Variants in ADISSP observed in about 807,000 individuals in gnomAD.
ADISSP encodes the protein adipose-secreted signaling protein.
At chr20:3,767,248 A>G in the ADISSP span, 3 of 152,136 alleles carry the variant, frequency 2.0e-5, no homozygotes, top group Admixed American at 6.5e-5. Flanking sequence ...GCACTCCCAG[A>G]CATCACTGCC....
At chr20:3,761,321 C>A in the ADISSP span, among the ~76,000 whole-genome samples, 4 of 150,166 alleles carry the variant, frequency 2.7e-5, no homozygotes, top group Admixed American at 1.3e-4. Context: ...TGACAGAGGA[C>A]CTGGTATGGT....
At chr20:3,754,304 T>A in the ADISSP span, 1 of 1,521,608 alleles carries the variant, frequency 6.6e-7, no homozygotes, top group Admixed American at 1.7e-5. Context: ...CGGGCAAGGA[T>A]CCCTTGTTCA....
the ADISSP span, among the ~76,000 whole-genome samples, chr20:3,762,514 C>T: frequency 6.6e-6 from 1 of 152,096 alleles, no homozygotes; most frequent in East Asian, 1.9e-4. Context: ...GAGACCACAG[C>T]CACGCACCAC....
the ADISSP span, chr20:3,758,730 C>A: frequency 1.3e-6 from 2 of 1,586,114 alleles, no homozygotes; most frequent in Non-Finnish European, 1.7e-6. The surrounding 1 kb of genome is among the most constrained non-coding windows in gnomAD (Gnocchi z 5.5). Flanking sequence ...CCAGGAAACT[C>A]CTCCCCCTTG....
At chr20:3,759,452 ATG>A in the ADISSP span, among the ~76,000 whole-genome samples, 1 of 152,012 alleles carries the variant, frequency 6.6e-6, no homozygotes, top group Non-Finnish European at 1.5e-5. This position sits in a 1 kb window ranked among gnomAD's most constrained non-coding sequence, Gnocchi z 4.6. Context: ...CCTGGACTGG[ATG>A]AATGCTCAGG....
the ADISSP span, chr20:3,759,993 G>T: frequency 1.3e-6 from 2 of 1,592,028 alleles, no homozygotes; most frequent in Non-Finnish European, 1.7e-6. The surrounding 1 kb of genome is among the most constrained non-coding windows in gnomAD (Gnocchi z 4.6). Context: ...ACACACAGGT[G>T]GTGCGGGCCC....
the ADISSP span, among the ~76,000 whole-genome samples, chr20:3,764,460 C>T: frequency 6.6e-6 from 1 of 152,180 alleles, no homozygotes; most frequent in Non-Finnish European, 1.5e-5. Flanking sequence ...TTGCCCAGGT[C>T]ATCCCTTCAG....
chr20:3,753,889 G>A, the ADISSP span: 2 of 618,340 alleles, frequency 3.2e-6, no homozygotes, highest in Non-Finnish European at 5.8e-6. Flanking sequence ...ACGAGGGAGG[G>A]GCAGGGTGGC....
chr20:3,760,143 T>A, the ADISSP span: 8 of 1,511,818 alleles, frequency 5.3e-6, no homozygotes, highest in Non-Finnish European at 7.3e-6. Context: ...ACACCGCCAC[T>A]CACGCTCAGC....
the ADISSP span, among the ~76,000 whole-genome samples, chr20:3,762,275 A>G: frequency 6.8e-6 from 1 of 146,968 alleles, no homozygotes; most frequent in African/African-American, 2.5e-5. Flanking sequence ...CTGTCTCAAG[A>G]AAAAAAAAAA....
At chr20:3,759,424 C>A in the ADISSP span, among the ~76,000 whole-genome samples, 4,030 of 152,200 alleles carry the variant, frequency 0.026, 185 homozygotes, top group African/African-American at 0.089. The surrounding 1 kb of genome is among the most constrained non-coding windows in gnomAD (Gnocchi z 4.6). Context: ...GCAGGGTAGG[C>A]GGGAGCCGAG....
chr20:3,760,086 G>T, the ADISSP span: 1 of 1,612,664 alleles, frequency 6.2e-7, no homozygotes, highest in Non-Finnish European at 8.5e-7. Flanking sequence ...ACTTACCCTT[G>T]TTGGCTGCAG....
chr20:3,755,391 AC>A, the ADISSP span: 1 of 1,406,984 alleles, frequency 7.1e-7, no homozygotes, highest in Middle Eastern at 1.8e-4. Context: ...CTGCCCATCC[AC>A]CCTAGTTGGA....
the ADISSP span, chr20:3,754,352 C>G: frequency 6.3e-7 from 1 of 1,599,104 alleles, no homozygotes; most frequent in Non-Finnish European, 8.6e-7. Context: ...CCCTCGCAGT[C>G]GAGCTTGTGC....
At chr20:3,765,211 C>T in the ADISSP span, among the ~76,000 whole-genome samples, 5 of 152,360 alleles carry the variant, frequency 3.3e-5, no homozygotes, top group South Asian at 6.2e-4. Context: ...CACACAATTC[C>T]TCATCAGAAA....
At chr20:3,765,073 G>A in the ADISSP span, among the ~76,000 whole-genome samples, 7 of 152,228 alleles carry the variant, frequency 4.6e-5, no homozygotes, top group African/African-American at 1.4e-4. Flanking sequence ...GTAACCCTCT[G>A]GATAGTGACA....
the ADISSP span, chr20:3,760,296 A>T: frequency 3.1e-4 from 179 of 579,246 alleles, no homozygotes; most frequent in African/African-American, 3.0e-3. Flanking sequence ...TACCGCTCTC[A>T]GCAGCCCAAG....
chr20:3,757,635 T>C, the ADISSP span, among the ~76,000 whole-genome samples: 1 of 151,946 alleles, frequency 6.6e-6, no homozygotes, highest in African/African-American at 2.4e-5. Context: ...AGGTTCTTTT[T>C]TGTTTGTTTG....
At chr20:3,754,206 C>A in the ADISSP span, 43 of 1,558,900 alleles carry the variant, frequency 2.8e-5, no homozygotes, top group Non-Finnish European at 4.4e-6. Context: ...CCGGCCCCAC[C>A]CATGCGGCCC....
Sources: allele counts gnomAD v4.1 joint callset (sites outside exome capture counted in the v4.1 genomes callset), GRCh38; gene constraint gnomAD v4.1.1; non-coding constraint Gnocchi (gnomAD v3.1); transcripts MANE v1.5; gene names NCBI Gene and HGNC (gene_info 2026-07-23, HGNC 2026-07-21).